MCCC1: variants seen among roughly 807,000 people sequenced by gnomAD.
MCCC1 encodes the protein methylcrotonyl-CoA carboxylase subunit 1, also known as methylcrotonoyl-CoA carboxylase subunit alpha, mitochondrial.
In MCCC1, 64 loss-of-function variants were observed where a neutral mutation model predicts 83.8. The observed-to-expected ratio is 0.76, with a 90% CI of 0.62 to 0.94. The LOEUF is 0.94. Ranked by LOEUF, MCCC1 falls within the 40% of genes least tolerant of loss-of-function variation. The probability of loss-of-function intolerance (pLI) is 0.00; values close to 1 mark genes in which losing one functional copy is unlikely to be tolerated. For missense variants in MCCC1, 807 were observed against 904.7 expected (o/e 0.89, Z 1.39); for synonymous variants, 322 against 315.4 (o/e 1.02, Z -0.22).
chr3:183,061,154 T>A (rs1462045244), intron 7 of MCCC1, among the ~76,000 whole-genome samples: 1 of 152,118 alleles, frequency 6.6e-6, no homozygotes, highest in South Asian at 2.1e-4. Context: ...TGCAACATGG[T>A]GGTAGGGTAT....
chr3:183,092,454 C>A lies in MCCC1; in HGVS notation c.228G>T (p.Val76=). The A allele has an allele frequency of 1.2e-6, 2 of 1,614,174 alleles. No homozygotes were observed. Among genetic ancestry groups the A allele is most frequent in the Non-Finnish European group, 1.7e-6 (2 of 1,180,028 alleles). The change falls in exon 3 of 19, where the codon GTG becomes GTT. Residue 76 remains valine (V), a synonymous_variant. Transcript: ENST00000265594. ...RTAKKLGVQT[V]AVYSEADRNS... is the part of the protein sequence containing the mutation. ...TTCTGTCAGCCTCACTATAAACCGCCACAGTCTGTACACCCAGTTTTTTGG... is the reference window on the plus strand; with the variant it reads ...TTCTGTCAGCCTCACTATAAACCGCAACAGTCTGTACACCCAGTTTTTTGG...
In MCCC1 at chr3:183,060,489, A is replaced by G. The variant is rs534305633; in HGVS notation, c.762-3067T>C. The stretch of plus-strand genomic sequence containing the variant: ...CAAACGTGAGAAGAAAGCTATTGAC[A>G]TAACACAAATCAGCTATTTTGCTAT... On this transcript the variant is annotated intron_variant, in intron 7 of 18. Coordinates refer to ENST00000265594, the MANE Select transcript of MCCC1 (RefSeq NM_020166.5). 7.9e-5 allele frequency among the ~76,000 whole-genome samples: 12 copies of G among 152,360 alleles called. No individual in the cohort carries two copies. The East Asian group carries it at 2.1e-3, about 27-fold the overall frequency.
intron 1 of MCCC1, among the ~76,000 whole-genome samples, chr3:183,096,243 G>A (rs1384028923): frequency 6.6e-6 from 1 of 152,066 alleles, no homozygotes; most frequent in Non-Finnish European, 1.5e-5. Flanking sequence ...GGCTGAGGCA[G>A]GAGTATCACT....
chr3:183,037,297 T>C lies in MCCC1; in HGVS notation c.1515A>G (p.Lys505=). The part of the protein sequence containing the change: ...QLLLSRKAAA[K]ESLCQAALGL... ...CCAGGGCTGCCTGGCATAAAGACTCTTTGGCTGCAGCCTTCCGACTGAGCA... is the reference window on the plus strand; with the variant it reads ...CCAGGGCTGCCTGGCATAAAGACTCCTTGGCTGCAGCCTTCCGACTGAGCA... Residue 505 remains lysine, a synonymous_variant, in exon 13 of 19, where the codon AAA becomes AAG. Transcript: ENST00000265594. 1 of 1,614,148 alleles carries C rather than the reference T, an allele frequency of 6.2e-7. No homozygotes were observed. The highest frequency in any genetic ancestry group is 8.5e-7 in the Non-Finnish European group (1 of 1,180,040).
At chr3:183,114,152 T>C (rs950500413) in intron 1 of MCCC1, among the ~76,000 whole-genome samples, 5 of 152,226 alleles carry the variant, frequency 3.3e-5, no homozygotes, top group African/African-American at 7.2e-5. Flanking sequence ...AGAATTCGTC[T>C]GATTGATAAC....
intron 13 of MCCC1, among the ~76,000 whole-genome samples, chr3:183,036,608 C>T (rs1295310704): frequency 2.7e-5 from 4 of 145,996 alleles, no homozygotes; most frequent in South Asian, 2.2e-4. Context: ...GGCGCGATCT[C>T]GGTTCACTGC....
intron 2 of MCCC1, among the ~76,000 whole-genome samples, chr3:183,093,764 T>C (rs1048033441): frequency 6.6e-6 from 1 of 152,140 alleles, no homozygotes; most frequent in African/African-American, 2.4e-5. Flanking sequence ...TGTATGAGTG[T>C]GGGCAGGGGA....
At chr3:183,066,122 T>C (rs1166235583) in intron 7 of MCCC1, among the ~76,000 whole-genome samples, 3 of 152,216 alleles carry the variant, frequency 2.0e-5, no homozygotes, top group Non-Finnish European at 4.4e-5. Context: ...GGGAAACTCC[T>C]ATAATTCTGA....
chr3:183,055,737 C>T (rs1715371388), intron 8 of MCCC1, among the ~76,000 whole-genome samples: 1 of 151,640 alleles, frequency 6.6e-6, no homozygotes, highest in Non-Finnish European at 1.5e-5. Flanking sequence ...CTCTACAATA[C>T]ATTAAAAAAA....
At chr3:183,050,030 AG>A (rs1406928898) in intron 9 of MCCC1, among the ~76,000 whole-genome samples, 5 of 151,758 alleles carry the variant, frequency 3.3e-5, no homozygotes, top group African/African-American at 1.2e-4. Context: ...TGAGGTGGGA[AG>A]ATCACTTGAG....
intron 13 of MCCC1, among the ~76,000 whole-genome samples, chr3:183,034,777 C>CTTTT (rs397963844): frequency 7.6e-5 from 11 of 143,894 alleles, no homozygotes; most frequent in Non-Finnish European, 9.1e-5. Context: ...CCTTATAGGC[C>CTTTT]TTTTTTTTTT....
upstream of MCCC1, among the ~76,000 whole-genome samples, chr3:183,101,093 C>T (rs1158251249): frequency 5.9e-5 from 9 of 152,280 alleles, no homozygotes; most frequent in South Asian, 1.0e-3. Context: ...GGCCCACCGG[C>T]GCTGCGCTCG....
intron 16 of MCCC1, among the ~76,000 whole-genome samples, chr3:183,021,369 A>G (rs1001267208): frequency 1.3e-5 from 2 of 152,302 alleles, no homozygotes; most frequent in African/African-American, 4.8e-5. Flanking sequence ...GATTACAGGC[A>G]CACACCACCA....
chr3:183,065,663 G>A (rs1394125087), intron 7 of MCCC1, among the ~76,000 whole-genome samples: 1 of 152,164 alleles, frequency 6.6e-6, no homozygotes, highest in Non-Finnish European at 1.5e-5. Context: ...AAAGTTAAAG[G>A]ATTGTTTTAA....
chr3:183,045,501 C>G lies in MCCC1; in HGVS notation c.995G>C (p.Cys332Ser), dbSNP rs775816105. 5.0e-6 allele frequency: 8 copies of G among 1,613,924 alleles called. No individual in the cohort carries two copies. The highest frequency in any genetic ancestry group is 1.3e-5 in the African/African-American group (1 of 74,900). The change falls in exon 10 of 19, where the codon TGT (cysteine) becomes TCT (serine). Residue 332 changes from cysteine to serine, a missense_variant. By Grantham distance (112) the Cys-to-Ser change is moderately radical. Coordinates refer to ENST00000265594, the MANE Select transcript of MCCC1 (RefSeq NM_020166.5). The stretch of plus-strand genomic sequence containing the variant: ...CAGCCTTGTATTCATCTCCATGAAA[C>G]AGAAATTATGTTTTGAGTCCATAAT... ...EFIMDSKHNF[C>S]FMEMNTRLQV... is the part of the protein sequence containing the mutation.
chr3:183,089,542 G>A (rs575487013), intron 3 of MCCC1, among the ~76,000 whole-genome samples: 149 of 152,078 alleles, frequency 9.8e-4, no homozygotes, highest in Non-Finnish European at 1.9e-3. Context: ...TGAGCCTGGG[G>A]GGTTGAGGCT....
At position 183,039,152 on chromosome 3, in the gene MCCC1, C is replaced by T. The variant is rs372674158; in HGVS notation, c.1268-17G>A. On this transcript the variant is annotated splice_polypyrimidine_tract_variant and intron_variant, in intron 11 of 18. Coordinates refer to ENST00000265594, the MANE Select transcript of MCCC1 (RefSeq NM_020166.5). ...CTTCGTCTCCTGAAATTGAAAACCA[C>T]GGTAACCTCTTCAAGTCAAAACACG... The T allele has an allele frequency of 4.3e-6, 7 of 1,609,222 alleles. No individual in the cohort carries two copies. The highest frequency in any genetic ancestry group is 1.1e-5 in the South Asian group (1 of 90,956).
intron 15 of MCCC1, among the ~76,000 whole-genome samples, chr3:183,024,956 C>A (rs1434724906): frequency 1.3e-5 from 2 of 149,344 alleles, no homozygotes; most frequent in African/African-American, 4.9e-5. Flanking sequence ...GTATTTTTCA[C>A]CCTTAAAAAA....
chr3:183,052,126 C>G (rs554366421), intron 9 of MCCC1, 33 bp downstream of exon 9: 2 of 1,590,338 alleles, frequency 1.3e-6, no homozygotes, highest in Non-Finnish European at 1.7e-6. Flanking sequence ...AACACTGTTA[C>G]GTCTCTTCCA....
Sources: allele counts gnomAD v4.1 joint callset (sites outside exome capture counted in the v4.1 genomes callset), GRCh38; gene constraint gnomAD v4.1.1; transcripts MANE v1.5; gene names NCBI Gene and HGNC (gene_info 2026-07-23, HGNC 2026-07-21).